The following ZCCHC24 variants were observed in gnomAD, a reference collection of about 807,000 sequenced individuals.
ZCCHC24 encodes zinc finger CCHC domain-containing protein 24.
ZCCHC24 carries 10 observed loss-of-function variants against 26.2 expected under a neutral mutation model. That is an observed-to-expected ratio of 0.38 (90% confidence interval 0.24 to 0.65). ZCCHC24 has a LOEUF of 0.65. ZCCHC24 is among the 30% of genes least tolerant of loss of function. The pLI, the probability that ZCCHC24 is intolerant of heterozygous loss-of-function variation, is 0.54. For synonymous variants in ZCCHC24, 144 were observed against 147.1 expected, an observed-to-expected ratio of 0.98 and a Z score of 0.15; for missense variants, 243 against 329.1, an observed-to-expected ratio of 0.74 and a Z score of 2.03.
Position 79,386,216 on chromosome 10 carries a change from C to T in ZCCHC24, c.*129G>A, listed in dbSNP as rs757455894. 22 of 780,750 alleles carry T rather than the reference C, an allele frequency of 2.8e-5. No individual in the cohort carries two copies. The highest frequency in any genetic ancestry group is 4.1e-5 in the Non-Finnish European group (19 of 461,774). The allele number at this position is 780,750 out of a possible 1,614,324, so 48.4% of individuals were successfully genotyped here. A position where few individuals can be genotyped will look rare whatever the true frequency, so the allele number is the denominator to read the frequency against. On this transcript the variant is annotated 3_prime_UTR_variant, in exon 4 of 4. Transcript: ENST00000372336. ...ACAAGACAAGGACGCTAAGAGCCCC[C>T]GGCCCAGCCCCGCAGGCCTGCGAGG...
Position 79,445,265 on chromosome 10 carries a change from C to G in ZCCHC24, c.176G>C (p.Arg59Pro). 6.9e-7 allele frequency: 1 copy of G among 1,445,906 alleles called. No homozygotes were observed. The allele number at this position is 1,445,906 out of a possible 1,614,324, so 89.6% of individuals were successfully genotyped here. The change falls in exon 1 of 4, where the codon CGC becomes CCC. Residue 59 changes from arginine to proline, a missense_variant. By Grantham distance (103) the Arg-to-Pro change is moderately radical. Transcript: ENST00000372336. ...APPELAFGKGRPEQLGSPLHS... is the reference protein window; with the variant it reads ...APPELAFGKGPPEQLGSPLHS... Reference sequence around the variant, plus strand: ...CAGGGGCGAGCCCAGCTGCTCGGGGCGGCCCTTGCCGAAGGCCAGCTCCGG... The same window carrying G: ...CAGGGGCGAGCCCAGCTGCTCGGGGGGGCCCTTGCCGAAGGCCAGCTCCGG...
At chr10:79,389,103 C>T (rs536327900) in intron 3 of ZCCHC24, among the ~76,000 whole-genome samples, 2 of 152,338 alleles carry the variant, frequency 1.3e-5, no homozygotes, top group East Asian at 3.9e-4. Context: ...GCTTTCTGTC[C>T]CCAGGGCAGC....
chr10:79,408,713 A>G (rs1405374573), intron 2 of ZCCHC24, among the ~76,000 whole-genome samples: 4 of 152,196 alleles, frequency 2.6e-5, no homozygotes, highest in Admixed American at 1.3e-4. Context: ...GAAGCCATAC[A>G]GAAGGTCTGT....
chr10:79,400,132 C>G (rs1856610101), intron 2 of ZCCHC24, among the ~76,000 whole-genome samples: 1 of 152,172 alleles, frequency 6.6e-6, no homozygotes, highest in Non-Finnish European at 1.5e-5. Flanking sequence ...GTATATTTTC[C>G]TACTGTATTT....
chr10:79,428,409 TAAATTTCA>T lies in ZCCHC24; in HGVS notation c.447+4141_447+4148del, dbSNP rs1857066076. On this transcript the variant is annotated intron_variant, in intron 2 of 3. Transcript: ENST00000372336. ...GGTACAGTATTTCAGTTTTGCAAGA[TAAATTTCA>T]GTTTTGCAAGATAAATTTCAGTTTT... 6.7e-5 allele frequency among the ~76,000 whole-genome samples: 2 copies of T among 29,936 alleles called. 1 individual carries two copies. Among genetic ancestry groups the T allele is most frequent in the East Asian group, 8.4e-4 (2 of 2,378 alleles). 19.6% of individuals were successfully genotyped at this position (29,936 alleles called of 152,430 possible). A position where few individuals can be genotyped will look rare whatever the true frequency, so the allele number is the denominator to read the frequency against.
chr10:79,437,518 A>G (rs536579104), intron 1 of ZCCHC24, among the ~76,000 whole-genome samples: 7 of 152,324 alleles, frequency 4.6e-5, no homozygotes, highest in Non-Finnish European at 1.0e-4. Flanking sequence ...GCCCAAGGTA[A>G]CGCAGCCAGC....
intron 2 of ZCCHC24, among the ~76,000 whole-genome samples, chr10:79,430,711 C>T (rs539410503): frequency 7.8e-4 from 118 of 151,830 alleles, no homozygotes; most frequent in Non-Finnish European, 1.3e-3. Context: ...CACACACACA[C>T]ACCCTCTGCT....
At chr10:79,401,412 AACGCTGACGC>A (rs1316870319) in intron 2 of ZCCHC24, among the ~76,000 whole-genome samples, 1 of 152,216 alleles carries the variant, frequency 6.6e-6, no homozygotes, top group Admixed American at 6.5e-5. Context: ...TTCAGATGGG[AACGCTGACGC>A]ATGTAGAGGT....
intron 3 of ZCCHC24, among the ~76,000 whole-genome samples, chr10:79,394,047 C>A (rs1856512397): frequency 6.6e-6 from 1 of 152,232 alleles, no homozygotes; most frequent in African/African-American, 2.4e-5. Context: ...CAACAGCACA[C>A]CCTGTTCACT....
intron 2 of ZCCHC24, chr10:79,403,625 C>T: frequency 1.0e-6 from 1 of 983,268 alleles, no homozygotes; most frequent in Non-Finnish European, 1.2e-6. Flanking sequence ...GCCTCAAGGG[C>T]CTCCTTGTCT....
At chr10:79,417,015 G>A (rs1159243174) in intron 2 of ZCCHC24, among the ~76,000 whole-genome samples, 1 of 152,230 alleles carries the variant, frequency 6.6e-6, no homozygotes, top group Admixed American at 6.5e-5. Context: ...CCACAGCAAC[G>A]CAATGGCTCA....
At chr10:79,436,852 C>A (rs1857223600) in intron 1 of ZCCHC24, among the ~76,000 whole-genome samples, 1 of 152,190 alleles carries the variant, frequency 6.6e-6, no homozygotes, top group Non-Finnish European at 1.5e-5. Context: ...CCATCTAGGC[C>A]CAGATCACCA....
chr10:79,432,624 C>T lies in ZCCHC24; in HGVS notation c.381G>A (p.Arg127=), dbSNP rs148351721. ...GGTGGCACAGGTAGTTGGGTGGGGG[C>T]CGCTTGCTGGGCTTGCGAGCCTCGG... ...LTSEARKPSK[R]PPPNYLCHLC... The change falls in exon 2 of 4, where the codon CGG becomes CGA. Residue 127 remains arginine, a synonymous_variant. Coordinates refer to ENST00000372336, the MANE Select transcript of ZCCHC24 (RefSeq NM_153367.4). The T allele has an allele frequency of 6.2e-6, 10 of 1,608,412 alleles. No individual in the cohort carries two copies. In the African/African-American group the frequency reaches 1.3e-4, roughly 22 times the overall value.
chr10:79,409,507 C>G (rs79455680), intron 2 of ZCCHC24, among the ~76,000 whole-genome samples: 4,034 of 152,324 alleles, frequency 0.026, 95 homozygotes, highest in East Asian at 0.082. Context: ...CTCTGATTCC[C>G]TGGGCCCAGC....
At position 79,432,732 on chromosome 10, in the gene ZCCHC24, G is replaced by A. The variant is rs138062570; in HGVS notation, c.273C>T (p.Gly91=). Residue 91 remains glycine (G), a synonymous_variant, in exon 2 of 4, where the codon GGC becomes GGT. Coordinates refer to ENST00000372336, the MANE Select transcript of ZCCHC24 (RefSeq NM_153367.4). ...GEALSNSVYK[G]ASPYGSLNNI... is the part of the protein sequence containing the mutation. ...TGTTGAGGGAGCCATAGGGTGAGGC[G>A]CCCTTGTACACACTGTTGCTCAGCG... The A allele has an allele frequency of 2.2e-5, 35 of 1,608,552 alleles. No homozygotes were observed. Among genetic ancestry groups the A allele is most frequent in the African/African-American group, 9.4e-5 (7 of 74,540 alleles).
At chr10:79,419,007 CA>C (rs1856903641) in intron 2 of ZCCHC24, among the ~76,000 whole-genome samples, 1 of 152,150 alleles carries the variant, frequency 6.6e-6, no homozygotes, top group Non-Finnish European at 1.5e-5. Context: ...CTGAGAAGCC[CA>C]AGGGGTGTGT....
chr10:79,401,401 T>C (rs1044733756), intron 2 of ZCCHC24, among the ~76,000 whole-genome samples: 1 of 152,164 alleles, frequency 6.6e-6, no homozygotes, highest in Admixed American at 6.5e-5. Flanking sequence ...TAGTCCCAGG[T>C]TTCAGATGGG....
chr10:79,386,091 T>G lies in ZCCHC24; in HGVS notation c.*254A>C. On this transcript the variant is annotated 3_prime_UTR_variant, in exon 4 of 4. Transcript: ENST00000372336. Reference sequence around the variant, plus strand: ...TGGGCTTTTGCTTGCCTTTGTCCCCTCCACTGAGACCCCAGGCCCGCCTGC... The same window carrying G: ...TGGGCTTTTGCTTGCCTTTGTCCCCGCCACTGAGACCCCAGGCCCGCCTGC... 1.7e-6 allele frequency: 1 copy of G among 581,034 alleles called. No individual in the cohort carries two copies. Among genetic ancestry groups the G allele is most frequent in the Non-Finnish European group, 3.1e-6 (1 of 319,082 alleles). The allele number at this position is 581,034 out of a possible 1,614,324, so 36.0% of individuals were successfully genotyped here. A position where few individuals can be genotyped will look rare whatever the true frequency, so the allele number is the denominator to read the frequency against.
At chr10:79,444,442 T>C (rs1026238906) in intron 1 of ZCCHC24, among the ~76,000 whole-genome samples, 2 of 152,188 alleles carry the variant, frequency 1.3e-5, no homozygotes, top group Admixed American at 6.5e-5. Flanking sequence ...CCCAGGTTTC[T>C]GCAGAAGGCG....
Sources: allele counts gnomAD v4.1 joint callset (sites outside exome capture counted in the v4.1 genomes callset), GRCh38; gene constraint gnomAD v4.1.1; transcripts MANE v1.5; gene names NCBI Gene and HGNC (gene_info 2026-07-23, HGNC 2026-07-21).